Variants in CRPPA observed in about 807,000 individuals in gnomAD.
CRPPA encodes CDP-L-ribitol pyrophosphorylase A.
Under a neutral mutation model 52.0 loss-of-function variants are expected in CRPPA, and 43 were observed. That is an observed-to-expected ratio of 0.83 (90% confidence interval 0.65 to 1.07). CRPPA has a LOEUF of 1.07. CRPPA is among the 50% of genes least tolerant of loss of function. The pLI, the probability that CRPPA is intolerant of heterozygous loss-of-function variation, is 0.00. For missense variants in CRPPA, 629 were observed against 551.7 expected (o/e 1.14, Z -1.40); for synonymous variants, 250 against 203.5 (o/e 1.23, Z -1.94).
intron 3 of CRPPA, among the ~76,000 whole-genome samples, chr7:16,373,219 C>T (rs1786795347): frequency 6.6e-6 from 1 of 152,024 alleles, no homozygotes; most frequent in Non-Finnish European, 1.5e-5. Flanking sequence ...TCGCTTGAAC[C>T]CAGGAGGCAG....
intron 8 of CRPPA, among the ~76,000 whole-genome samples, chr7:16,249,516 A>G (rs1783382132): frequency 6.6e-6 from 1 of 152,188 alleles, no homozygotes; most frequent in African/African-American, 2.4e-5. Flanking sequence ...TCTGGGACAA[A>G]GCTTCCAGAG....
At chr7:16,291,382 A>G (rs576632424) in intron 5 of CRPPA, among the ~76,000 whole-genome samples, 1 of 152,140 alleles carries the variant, frequency 6.6e-6, no homozygotes, top group East Asian at 1.9e-4. Context: ...GGCATACTAC[A>G]CAATGGAATA....
chr7:16,378,100 T>C (rs13234570), intron 2 of CRPPA, among the ~76,000 whole-genome samples: 2 of 151,850 alleles, frequency 1.3e-5, no homozygotes, highest in African/African-American at 4.8e-5. Context: ...CCTTTTTTTT[T>C]AATTTTTTTA....
At chr7:16,321,995 G>A (rs978293302) in intron 3 of CRPPA, among the ~76,000 whole-genome samples, 2 of 152,002 alleles carry the variant, frequency 1.3e-5, no homozygotes, top group African/African-American at 4.8e-5. Flanking sequence ...AAAGAGACAA[G>A]AACATTCTAC....
At chr7:16,251,263 C>A (rs1052476047) in intron 8 of CRPPA, among the ~76,000 whole-genome samples, 2 of 152,106 alleles carry the variant, frequency 1.3e-5, no homozygotes, top group Admixed American at 6.5e-5. Context: ...ATTAGACTCC[C>A]ACCCAATAAT....
intron 8 of CRPPA, among the ~76,000 whole-genome samples, chr7:16,242,360 A>G (rs1321744237): frequency 2.6e-5 from 4 of 152,168 alleles, no homozygotes; most frequent in African/African-American, 9.7e-5. Flanking sequence ...GAATGTTTTC[A>G]TCATTACTTA....
chr7:16,362,593 T>C (rs1264085489), intron 3 of CRPPA, among the ~76,000 whole-genome samples: 1 of 152,188 alleles, frequency 6.6e-6, no homozygotes, highest in Admixed American at 6.5e-5. Context: ...AAAATATGTA[T>C]ATTTAACTTT....
intron 9 of CRPPA, among the ~76,000 whole-genome samples, chr7:16,210,783 C>G (rs1386027390): frequency 6.6e-6 from 1 of 151,952 alleles, no homozygotes; most frequent in Non-Finnish European, 1.5e-5. Flanking sequence ...ATGGCAGTAC[C>G]CTCCTTAAGT....
At chr7:16,141,789 C>A (rs979646017) in intron 9 of CRPPA, among the ~76,000 whole-genome samples, 2 of 152,116 alleles carry the variant, frequency 1.3e-5, no homozygotes, top group Non-Finnish European at 1.5e-5. Context: ...GTACATTATT[C>A]TTTTTCTGGC....
At chr7:16,193,006 T>C (rs1211291271) in intron 9 of CRPPA, among the ~76,000 whole-genome samples, 1 of 152,132 alleles carries the variant, frequency 6.6e-6, no homozygotes, top group Non-Finnish European at 1.5e-5. Context: ...ATTTTTTCAT[T>C]CTTTTAAAAA....
chr7:16,091,444 G>A lies in CRPPA; in HGVS notation c.*251C>T, dbSNP rs181770974. ...GTCTCTGTGGAAAGATTCATTTGAA[G>A]GCTATTATTTTCCACTTATCTACTA... On this transcript the variant is annotated 3_prime_UTR_variant, in exon 10 of 10. Coordinates refer to ENST00000407010, the MANE Select transcript of CRPPA (RefSeq NM_001101426.4). 1 of 339,568 alleles carries A rather than the reference G, an allele frequency of 2.9e-6. No homozygotes were observed. Among genetic ancestry groups the A allele is most frequent in the Non-Finnish European group, 5.3e-6 (1 of 189,990 alleles). 21.0% of individuals were successfully genotyped at this position (339,568 alleles called of 1,614,324 possible).
chr7:16,405,614 A>G (rs1165015814), intron 2 of CRPPA, among the ~76,000 whole-genome samples: 1 of 152,170 alleles, frequency 6.6e-6, no homozygotes, highest in African/African-American at 2.4e-5. Flanking sequence ...AATGGAAACA[A>G]TTGTCATCTC....
At position 16,089,330 on chromosome 7, in the gene CRPPA, ATATG is replaced by A. The variant is rs1185674579; in HGVS notation, c.*2361_*2364del. 4.2e-5 allele frequency: 17 copies of A among 400,376 alleles called. No individual in the cohort carries two copies. The highest frequency in any genetic ancestry group is 3.0e-4 in the African/African-American group (14 of 46,282). 24.8% of individuals were successfully genotyped at this position (400,376 alleles called of 1,614,324 possible). On this transcript the variant is annotated 3_prime_UTR_variant, in exon 10 of 10. Transcript: ENST00000407010. ...TGTGTGTATGCGTACGTATATAAAT[ATATG>A]TGTGTATGCGTACGTATATACATAC...
chr7:16,152,742 T>G (rs1783101698), intron 9 of CRPPA, among the ~76,000 whole-genome samples: 1 of 152,048 alleles, frequency 6.6e-6, no homozygotes. Context: ...TTTAAGATTA[T>G]TCCCAAAGCC....
At chr7:16,239,559 CAAAAAAAAAAA>C (rs751232682) in intron 8 of CRPPA, among the ~76,000 whole-genome samples, 4 of 47,632 alleles carry the variant, frequency 8.4e-5, no homozygotes, top group African/African-American at 3.0e-4. Flanking sequence ...AAGTCAATAG[CAAAAAAAAAAA>C]AAAAAAAAAA....
intron 9 of CRPPA, among the ~76,000 whole-genome samples, chr7:16,096,640 AG>A: frequency 6.6e-6 from 1 of 152,268 alleles, no homozygotes; most frequent in Non-Finnish European, 1.5e-5. Context: ...TGCCCAGGGT[AG>A]AGTGCAGGTT....
intron 8 of CRPPA, among the ~76,000 whole-genome samples, chr7:16,228,236 C>A (rs1293456196): frequency 1.3e-5 from 2 of 151,684 alleles, no homozygotes; most frequent in Non-Finnish European, 3.0e-5. Flanking sequence ...AAAAGATTTT[C>A]CAATTTTTTT....
chr7:16,382,407 C>T (rs1440406027), intron 2 of CRPPA, among the ~76,000 whole-genome samples: 1 of 152,248 alleles, frequency 6.6e-6, no homozygotes, highest in African/African-American at 2.4e-5. Flanking sequence ...CAACCTTTCT[C>T]TCTGGCTGCC....
chr7:16,201,366 C>T (rs1319760196), intron 9 of CRPPA, among the ~76,000 whole-genome samples: 2 of 152,166 alleles, frequency 1.3e-5, no homozygotes, highest in Admixed American at 6.6e-5. Flanking sequence ...GAACCTCCAT[C>T]GCAGTCTTAC....
Sources: gnomAD v4.1 joint callset for allele counts (sites outside exome capture counted in the v4.1 genomes callset) on GRCh38, gnomAD v4.1.1 for gene constraint, MANE v1.5 for transcripts, NCBI Gene and HGNC (gene_info 2026-07-23, HGNC 2026-07-21) for gene names.